CHSY1: variants seen among roughly 807,000 people sequenced by gnomAD.
CHSY1 encodes chondroitin sulfate synthase 1.
CHSY1 carries 13 observed loss-of-function variants against 59.8 expected under a neutral mutation model. The observed-to-expected ratio is 0.22, with a 90% CI of 0.14 to 0.35. The LOEUF (loss-of-function observed/expected upper bound fraction) is 0.35. CHSY1 is among the 10% of genes least tolerant of loss of function. The pLI is 1.00. For synonymous variants in CHSY1, 459 were observed against 401.2 expected (o/e 1.14, Z -1.72); for missense variants, 947 against 1,030.6 (o/e 0.92, Z 1.11).
chr15:101,206,635 A>G (rs1440897233), intron 2 of CHSY1, among the ~76,000 whole-genome samples: 1 of 152,272 alleles, frequency 6.6e-6, no homozygotes, highest in African/African-American at 2.4e-5. Flanking sequence ...TGTGGAAGCT[A>G]GAAGAGACAG....
intron 2 of CHSY1, among the ~76,000 whole-genome samples, chr15:101,232,942 T>A (rs1332079760): frequency 6.6e-6 from 1 of 152,138 alleles, no homozygotes; most frequent in African/African-American, 2.4e-5. Flanking sequence ...GCAGGCCCAA[T>A]AACCACACTC....
rs768645302 is a variant in CHSY1 at position 101,177,918 on chromosome 15, G to T, written c.1879C>A (p.Leu627Ile). 6.2e-7 allele frequency: 1 copy of T among 1,614,208 alleles called. No homozygotes were observed. Among genetic ancestry groups the T allele is most frequent in the Non-Finnish European group, 8.5e-7 (1 of 1,180,026 alleles). Residue 627 changes from leucine (L) to isoleucine (I), a missense_variant, in exon 3 of 3, where the codon CTC becomes ATC. This residue lies in a region of CHSY1 where 602 missense variants were observed against 676.9 expected (regional missense o/e 0.89). Coordinates refer to ENST00000254190, the MANE Select transcript of CHSY1 (RefSeq NM_014918.5). Reference protein sequence around the residue: ...GSSQFNNESLLFFCDVDLVFT... With the variant: ...GSSQFNNESLIFFCDVDLVFT... ...ACGAGGTCGACGTCGCAGAAGAAGA[G>T]CAAAGATTCATTGTTAAACTGGGAG... is the stretch of plus-strand genomic sequence containing the variant.
At chr15:101,249,447 A>C (rs2039084405) in intron 1 of CHSY1, among the ~76,000 whole-genome samples, 1 of 149,686 alleles carries the variant, frequency 6.7e-6, no homozygotes, top group African/African-American at 2.5e-5. Flanking sequence ...AGAGATCCTG[A>C]TAGGCTGGTT....
In CHSY1 at chr15:101,178,096, G is replaced by C; in HGVS notation, c.1701C>G (p.Leu567=). 6.2e-7 allele frequency: 1 copy of C among 1,614,182 alleles called. No individual in the cohort carries two copies. The part of the protein sequence containing the change: ...TCLIPNQNVK[L]VVLLFNSDSN... Reference sequence around the variant, plus strand: ...AGTCAGAATTGAAAAGCAGAACCACGAGCTTGACGTTCTGATTGGGGATAA... The same window carrying C: ...AGTCAGAATTGAAAAGCAGAACCACCAGCTTGACGTTCTGATTGGGGATAA... Residue 567 remains leucine (L), a synonymous_variant, in exon 3 of 3, where the codon CTC becomes CTG. Transcript: ENST00000254190.
intron 1 of CHSY1, among the ~76,000 whole-genome samples, chr15:101,240,058 T>C (rs2141278681): frequency 6.6e-6 from 1 of 152,352 alleles, no homozygotes; most frequent in East Asian, 1.9e-4. Context: ...CTCCACCCAA[T>C]TATTATCTGT....
intron 2 of CHSY1, among the ~76,000 whole-genome samples, chr15:101,192,087 A>G (rs979242411): frequency 3.2e-4 from 49 of 152,338 alleles, no homozygotes; most frequent in Non-Finnish European, 4.7e-4. Context: ...AATATTTTTA[A>G]GCATCTGCTA....
chr15:101,244,848 C>T (rs2039035799), intron 1 of CHSY1, among the ~76,000 whole-genome samples: 1 of 152,186 alleles, frequency 6.6e-6, no homozygotes. Flanking sequence ...CAATTTTGGT[C>T]CTTATCTCCT....
At chr15:101,205,739 CAGG>C (rs927595798) in intron 2 of CHSY1, among the ~76,000 whole-genome samples, 94 of 152,228 alleles carry the variant, frequency 6.2e-4, no homozygotes, top group African/African-American at 2.2e-3. Flanking sequence ...ATCACGAGAT[CAGG>C]AGATCGAGAC....
At chr15:101,182,199 T>C (rs1251213944) in intron 2 of CHSY1, among the ~76,000 whole-genome samples, 1 of 152,248 alleles carries the variant, frequency 6.6e-6, no homozygotes, top group Non-Finnish European at 1.5e-5. Flanking sequence ...TCAGCATGGT[T>C]AGTGGTACTT....
intron 2 of CHSY1, among the ~76,000 whole-genome samples, chr15:101,204,422 G>A (rs967377654): frequency 1.1e-4 from 16 of 139,986 alleles, no homozygotes; most frequent in African/African-American, 3.3e-4. Flanking sequence ...CAGTAAGAGC[G>A]AAACTCCATC....
intron 2 of CHSY1, among the ~76,000 whole-genome samples, chr15:101,181,145 G>C (rs191331725): frequency 6.6e-6 from 1 of 152,288 alleles, no homozygotes; most frequent in East Asian, 1.9e-4. Context: ...TTTGTAACGT[G>C]ACTTAAGTAA....
intron 1 of CHSY1, among the ~76,000 whole-genome samples, chr15:101,240,447 C>A (rs1448261640): frequency 6.6e-6 from 1 of 152,230 alleles, no homozygotes; most frequent in Non-Finnish European, 1.5e-5. Flanking sequence ...AAAGAACTCT[C>A]ACTTAATTGA....
At chr15:101,243,067 T>C (rs2039018059) in intron 1 of CHSY1, among the ~76,000 whole-genome samples, 1 of 152,116 alleles carries the variant, frequency 6.6e-6, no homozygotes, top group Admixed American at 6.5e-5. Flanking sequence ...AATTAAGCTG[T>C]TGGCAGGGGG....
intron 2 of CHSY1, among the ~76,000 whole-genome samples, chr15:101,179,251 T>C (rs1161590851): frequency 1.3e-5 from 2 of 152,104 alleles, no homozygotes; most frequent in Non-Finnish European, 2.9e-5. Context: ...AATGAAAACA[T>C]ATAAAATTGA....
At chr15:101,183,422 A>G (rs2038308340) in intron 2 of CHSY1, among the ~76,000 whole-genome samples, 1 of 152,234 alleles carries the variant, frequency 6.6e-6, no homozygotes. Context: ...CACCACTGGG[A>G]GCTGAAGAAC....
chr15:101,247,542 C>T (rs370017477), intron 1 of CHSY1, among the ~76,000 whole-genome samples: 1 of 152,192 alleles, frequency 6.6e-6, no homozygotes, highest in South Asian at 2.1e-4. Context: ...GCCAGAGGGG[C>T]CATGCATGCA....
chr15:101,224,071 C>T (rs1321264648), intron 2 of CHSY1, among the ~76,000 whole-genome samples: 3 of 152,250 alleles, frequency 2.0e-5, no homozygotes, highest in Non-Finnish European at 4.4e-5. Flanking sequence ...ACATGCTGTA[C>T]AGGTTTGTAG....
chr15:101,202,614 G>T (rs1278599974), intron 2 of CHSY1, among the ~76,000 whole-genome samples: 5 of 151,458 alleles, frequency 3.3e-5, no homozygotes, highest in Non-Finnish European at 1.5e-5. Context: ...GGGGCAGTGG[G>T]ATCTCAGACA....
chr15:101,227,504 A>T (rs920422004), intron 2 of CHSY1, among the ~76,000 whole-genome samples: 4 of 152,246 alleles, frequency 2.6e-5, no homozygotes, highest in African/African-American at 7.2e-5. Context: ...AGGCTAAATA[A>T]AAAGCTTAAA....
Sources: allele counts gnomAD v4.1 joint callset (sites outside exome capture counted in the v4.1 genomes callset), GRCh38; gene constraint gnomAD v4.1.1; regional missense constraint gnomAD v4.1.1; transcripts MANE v1.5; gene names NCBI Gene and HGNC (gene_info 2026-07-23, HGNC 2026-07-21).